Variants in GALK2 observed in about 807,000 individuals in gnomAD.
GALK2 encodes the protein galactokinase 2, also known as N-acetylgalactosamine kinase.
Under a neutral mutation model 52.4 loss-of-function variants are expected in GALK2, and 36 were observed. That is an observed-to-expected ratio of 0.69 (90% CI 0.53 to 0.91). GALK2 has a LOEUF of 0.91. GALK2 is among the 40% of genes least tolerant of loss of function. The pLI, the probability that GALK2 is intolerant of heterozygous loss-of-function variation, is 0.00. For synonymous variants in GALK2, 176 were observed against 199.1 expected, an observed-to-expected ratio of 0.88 and a Z score of 0.98; for missense variants, 579 against 559.1, an observed-to-expected ratio of 1.04 and a Z score of -0.36.
chr15:49,321,798 G>A (rs993349884), intron 9 of GALK2, among the ~76,000 whole-genome samples: 1 of 152,178 alleles, frequency 6.6e-6, no homozygotes, highest in Non-Finnish European at 1.5e-5. Flanking sequence ...TCATACATAC[G>A]TGTGTGTACG....
intron 3 of GALK2, chr15:49,353,793 A>G (rs1021993507): frequency 6.6e-6 from 1 of 152,080 alleles, no homozygotes; most frequent in African/African-American, 2.4e-5. Flanking sequence ...TTTTTTTCAG[A>G]TATTTGTATT....
At chr15:49,213,275 G>T (rs936288528) in intron 2 of GALK2, among the ~76,000 whole-genome samples, 8 of 152,072 alleles carry the variant, frequency 5.3e-5, no homozygotes, top group African/African-American at 1.9e-4. Context: ...TTTTTATCTT[G>T]AATCCTGTTT....
At chr15:49,298,636 T>C (rs181173382) in intron 8 of GALK2, among the ~76,000 whole-genome samples, 17 of 152,300 alleles carry the variant, frequency 1.1e-4, no homozygotes, top group Admixed American at 1.1e-3. Flanking sequence ...TCTTGAATTT[T>C]ATTGAAAGTC....
chr15:49,210,787 C>T (rs190159100), intron 2 of GALK2, among the ~76,000 whole-genome samples: 1 of 152,174 alleles, frequency 6.6e-6, no homozygotes, highest in Admixed American at 6.5e-5. Context: ...CGCCCTGTTG[C>T]CCAGGCTGGA....
At chr15:49,260,524 C>A (rs954026086) in intron 5 of GALK2, among the ~76,000 whole-genome samples, 4 of 146,592 alleles carry the variant, frequency 2.7e-5, no homozygotes, top group Non-Finnish European at 6.0e-5. Flanking sequence ...GTTGCCTGTT[C>A]ACTCTGATGG....
At chr15:49,293,230 A>G (rs527740077) in intron 8 of GALK2, among the ~76,000 whole-genome samples, 1 of 152,350 alleles carries the variant, frequency 6.6e-6, no homozygotes, top group African/African-American at 2.4e-5. Flanking sequence ...CATTCAGTTC[A>G]GTTCTACAAC....
chr15:49,183,721 T>G (rs942101723), intron 1 of GALK2, among the ~76,000 whole-genome samples: 3 of 151,826 alleles, frequency 2.0e-5, no homozygotes, highest in Non-Finnish European at 4.4e-5. Context: ...CACATGCCTG[T>G]AATCCCAGCT....
At chr15:49,287,803 A>C (rs1567023714) in intron 7 of GALK2, among the ~76,000 whole-genome samples, 1 of 152,198 alleles carries the variant, frequency 6.6e-6, no homozygotes, top group Non-Finnish European at 1.5e-5. Context: ...TATTTTTCTC[A>C]GATCCTTTTT....
At chr15:49,342,333 T>A (rs2040859326) in intron 3 of GALK2, among the ~76,000 whole-genome samples, 1 of 152,164 alleles carries the variant, frequency 6.6e-6, no homozygotes, top group African/African-American at 2.4e-5. Context: ...TTTTATCTGG[T>A]ATAAGAATAG....
chr15:49,362,490 C>T (rs915021010), intron 3 of GALK2, among the ~76,000 whole-genome samples: 2 of 150,810 alleles, frequency 1.3e-5, no homozygotes, highest in Admixed American at 1.3e-4. Flanking sequence ...AGCATGAAAA[C>T]CGACTAATAC....
chr15:49,166,201 T>G (rs1302921094), upstream of GALK2, among the ~76,000 whole-genome samples: 1 of 152,190 alleles, frequency 6.6e-6, no homozygotes, highest in Non-Finnish European at 1.5e-5. Flanking sequence ...ATTAGAGTAC[T>G]GATGTGATGC....
At chr15:49,347,043 C>T (rs1245165600) in intron 3 of GALK2, among the ~76,000 whole-genome samples, 2 of 152,134 alleles carry the variant, frequency 1.3e-5, no homozygotes, top group African/African-American at 4.8e-5. Context: ...TGGAATCTTA[C>T]CCAGATTCTA....
Position 49,319,640 on chromosome 15 carries a change from T to A in GALK2, c.1004T>A (p.Val335Glu). Residue 335 changes from valine (V) to glutamate (E), a missense_variant, in exon 9 of 10, where the codon GTG (valine) becomes GAG (glutamate). Physicochemically the swap from Val to Glu is moderately radical, Grantham distance 121. Transcript: ENST00000560031. ...IFKLYQRAKH[V>E]YSEAARVLQF... The stretch of plus-strand genomic sequence containing the variant: ...AAACTCTATCAGCGGGCAAAGCATG[T>A]GTACAGCGAGGCTGCGCGAGTGCTC... 1 of 1,614,176 alleles carries A rather than the reference T, an allele frequency of 6.2e-7. No individual in the cohort carries two copies. The highest frequency in any genetic ancestry group is 1.3e-5 in the African/African-American group (1 of 75,048).
intron 3 of GALK2, among the ~76,000 whole-genome samples, chr15:49,366,868 G>T (rs2151449795): frequency 6.6e-6 from 1 of 152,278 alleles, no homozygotes; most frequent in East Asian, 1.9e-4. Flanking sequence ...ATTCCTTTGG[G>T]ATTCATCTGA....
intron 7 of GALK2, among the ~76,000 whole-genome samples, chr15:49,287,008 G>A (rs1293555734): frequency 1.3e-5 from 2 of 152,202 alleles, no homozygotes; most frequent in Non-Finnish European, 1.5e-5. Flanking sequence ...AGAAGAAAAT[G>A]ATGGATAAAA....
At chr15:49,299,730 C>CT (rs1286810091) in intron 8 of GALK2, among the ~76,000 whole-genome samples, 2 of 45,208 alleles carry the variant, frequency 4.4e-5, no homozygotes, top group East Asian at 5.4e-4. Flanking sequence ...TTCTTTCTTT[C>CT]TTTCTTTTCT....
chr15:49,357,642 C>G (rs1395370799), intron 3 of GALK2, among the ~76,000 whole-genome samples: 1 of 149,814 alleles, frequency 6.7e-6, no homozygotes, highest in Admixed American at 6.7e-5. Context: ...GATTCACAGC[C>G]GAATTCTACC....
At chr15:49,277,543 AT>A (rs2032004635) in intron 5 of GALK2, among the ~76,000 whole-genome samples, 1 of 147,268 alleles carries the variant, frequency 6.8e-6, no homozygotes, top group African/African-American at 2.5e-5. Flanking sequence ...CACGCCTGTT[AT>A]CCCAGCACTT....
At chr15:49,310,028 C>T (rs774811147) in intron 8 of GALK2, among the ~76,000 whole-genome samples, 1 of 152,166 alleles carries the variant, frequency 6.6e-6, no homozygotes, top group Admixed American at 6.5e-5. Flanking sequence ...TCTCTTCCTA[C>T]TTGCCTTCCC....
Sources: gnomAD v4.1 joint callset for allele counts (sites outside exome capture counted in the v4.1 genomes callset) on GRCh38, gnomAD v4.1.1 for gene constraint, MANE v1.5 for transcripts, NCBI Gene and HGNC (gene_info 2026-07-23, HGNC 2026-07-21) for gene names.